The following COL23A1 variants were observed in gnomAD, a reference collection of about 807,000 sequenced individuals.
COL23A1 encodes the protein collagen alpha-1(XXIII) chain.
COL23A1 carries 97 observed loss-of-function variants against 99.3 expected under a neutral mutation model. The ratio of observed to expected loss-of-function variants is 0.98; its 90% confidence interval spans 0.83 to 1.16. COL23A1 has a LOEUF of 1.16. Among genes scored for constraint, COL23A1 ranks in the 50% most tolerant of loss-of-function variants. COL23A1 has a pLI of 0.00. For synonymous variants in COL23A1, 320 were observed against 308.2 expected (o/e 1.04, Z -0.40); for missense variants, 762 against 757.4 (o/e 1.01, Z -0.07).
chr5:178,295,540 T>C (rs972974256), intron 3 of COL23A1, among the ~76,000 whole-genome samples: 20 of 152,204 alleles, frequency 1.3e-4, no homozygotes, highest in African/African-American at 4.6e-4. Flanking sequence ...AGAGGATAAA[T>C]TGGAACCTTC....
At chr5:178,461,771 G>A (rs1009108698) in intron 2 of COL23A1, among the ~76,000 whole-genome samples, 5 of 152,176 alleles carry the variant, frequency 3.3e-5, no homozygotes, top group Admixed American at 1.3e-4. Flanking sequence ...CATGTTCTCC[G>A]TACATATTGA....
chr5:178,345,692 ATT>A (rs760731290), intron 2 of COL23A1, among the ~76,000 whole-genome samples: 2 of 133,640 alleles, frequency 1.5e-5, no homozygotes, highest in African/African-American at 2.8e-5. Context: ...AATTTTTTGT[ATT>A]TTTTTTTTTT....
At chr5:178,362,985 C>T (rs1342592668) in intron 2 of COL23A1, among the ~76,000 whole-genome samples, 2 of 114,634 alleles carry the variant, frequency 1.7e-5, no homozygotes, top group African/African-American at 3.3e-5. Flanking sequence ...AGCAACCCAC[C>T]CCCACAGCAA....
intron 2 of COL23A1, among the ~76,000 whole-genome samples, chr5:178,325,901 G>T (rs1458152670): frequency 6.6e-6 from 1 of 152,206 alleles, no homozygotes; most frequent in Non-Finnish European, 1.5e-5. Context: ...GCTTGTGCCT[G>T]CCCAGTCTGT....
chr5:178,298,785 T>C (rs2127594823), intron 3 of COL23A1, among the ~76,000 whole-genome samples: 1 of 152,344 alleles, frequency 6.6e-6, no homozygotes, highest in East Asian at 1.9e-4. Flanking sequence ...AGTCTCGAAC[T>C]CCTGACCTCA....
intron 2 of COL23A1, among the ~76,000 whole-genome samples, chr5:178,518,924 TCGGGCGGCGGCGGCTGCGGTC>T (rs1759778996): frequency 6.5e-5 from 6 of 92,824 alleles, no homozygotes; most frequent in Non-Finnish European, 1.2e-4. Flanking sequence ...CTCCCGGCGG[TCGGGCGGCGGCGGCTGCGGTC>T]GGTCGCGGCA....
intron 3 of COL23A1, among the ~76,000 whole-genome samples, chr5:178,297,284 G>A (rs1757796799): frequency 6.6e-6 from 1 of 152,262 alleles, no homozygotes; most frequent in South Asian, 2.1e-4. Flanking sequence ...ACTTTGGGAG[G>A]CCGAGGCGGG....
intron 1 of COL23A1, among the ~76,000 whole-genome samples, chr5:178,577,481 A>AG (rs1581671442): frequency 1.3e-5 from 2 of 152,172 alleles, no homozygotes; most frequent in African/African-American, 4.8e-5. Context: ...GTGGTGCTGT[A>AG]GGGGGAAGCT....
chr5:178,557,565 C>T (rs1477673810), intron 2 of COL23A1, among the ~76,000 whole-genome samples: 2 of 152,196 alleles, frequency 1.3e-5, no homozygotes, highest in Non-Finnish European at 2.9e-5. Context: ...AGCCGCCCCT[C>T]CTCTGGCCTT....
intron 5 of COL23A1, among the ~76,000 whole-genome samples, chr5:178,272,472 TG>T (rs1561813059): frequency 2.0e-5 from 3 of 152,056 alleles, no homozygotes; most frequent in Admixed American, 6.5e-5. Flanking sequence ...GCTGAGGGTT[TG>T]GCCATCAGAG....
intron 2 of COL23A1, among the ~76,000 whole-genome samples, chr5:178,337,331 A>T (rs1373808779): frequency 6.6e-6 from 1 of 152,236 alleles, no homozygotes; most frequent in East Asian, 1.9e-4. Flanking sequence ...TTCCCGTGGG[A>T]GTTGGAGCGT....
chr5:178,559,631 C>T (rs1176863266), intron 2 of COL23A1, among the ~76,000 whole-genome samples: 1 of 132,436 alleles, frequency 7.6e-6, no homozygotes, highest in Middle Eastern at 4.1e-3. Flanking sequence ...ACCCAAAAGT[C>T]ACCTTTCCCT....
At position 178,533,566 on chromosome 5, in the gene COL23A1, C is replaced by T. The variant is rs142685202; in HGVS notation, c.361+27116G>A. ...AGGCTGGAGTGCAGTGGCGTGATCT[C>T]GGCTCACTGCAACCTTCACCTCCCA... On this transcript the variant is annotated intron_variant, in intron 2 of 28. Transcript: ENST00000390654. Among the ~76,000 whole-genome samples, 38 of 152,222 alleles carry T rather than the reference C, an allele frequency of 2.5e-4. 1 individual carries two copies. The East Asian group carries it at 6.8e-3, about 27-fold the overall frequency.
intron 1 of COL23A1, among the ~76,000 whole-genome samples, chr5:178,561,544 C>T (rs1762560714): frequency 6.6e-6 from 1 of 152,100 alleles, no homozygotes; most frequent in African/African-American, 2.4e-5. Flanking sequence ...AGATGAGGAA[C>T]GCAAGCTTGG....
At chr5:178,557,191 C>T (rs1762321995) in intron 2 of COL23A1, among the ~76,000 whole-genome samples, 1 of 152,176 alleles carries the variant, frequency 6.6e-6, no homozygotes, top group Non-Finnish European at 1.5e-5. Context: ...TCCGCTGTCA[C>T]CTAGCCCTCT....
chr5:178,499,178 C>T (rs1758391082), intron 2 of COL23A1, among the ~76,000 whole-genome samples: 1 of 152,056 alleles, frequency 6.6e-6, no homozygotes, highest in Admixed American at 6.6e-5. Context: ...ACAGAAAAAA[C>T]ACCCACACAT....
Position 178,281,437 on chromosome 5 carries a change from C to G in COL23A1, c.441+6887G>C, listed in dbSNP as rs1226914472. 3.3e-5 allele frequency among the ~76,000 whole-genome samples: 5 copies of G among 152,272 alleles called. No homozygotes were observed. In the East Asian group the frequency reaches 9.7e-4, roughly 30 times the overall value. On this transcript the variant is annotated intron_variant, in intron 5 of 28. Coordinates refer to ENST00000390654, the MANE Select transcript of COL23A1 (RefSeq NM_173465.4). The surrounding 1 kb of genome is among the most constrained non-coding windows in gnomAD (Gnocchi z 4.0). Reference sequence around the variant, plus strand: ...CATTTCAGCCCAGAGCTCTCGCAGTCCCCTGGGGCCCCGGCTGTCGCTGCT... The same window carrying G: ...CATTTCAGCCCAGAGCTCTCGCAGTGCCCTGGGGCCCCGGCTGTCGCTGCT...
intron 5 of COL23A1, among the ~76,000 whole-genome samples, chr5:178,284,800 AT>A (rs1219065649): frequency 1.3e-5 from 2 of 152,330 alleles, no homozygotes; most frequent in East Asian, 3.9e-4. Context: ...ATGTAATTGT[AT>A]TTTAGATTAT....
At chr5:178,530,394 G>A (rs1760577967) in intron 2 of COL23A1, among the ~76,000 whole-genome samples, 1 of 152,148 alleles carries the variant, frequency 6.6e-6, no homozygotes, top group East Asian at 1.9e-4. Flanking sequence ...CCTGGAAAGT[G>A]GAGACTGCAG....
Sources: gnomAD v4.1 joint callset for allele counts (sites outside exome capture counted in the v4.1 genomes callset) on GRCh38, gnomAD v4.1.1 for gene constraint, Gnocchi (gnomAD v3.1) non-coding constraint, MANE v1.5 for transcripts, NCBI Gene and HGNC (gene_info 2026-07-23, HGNC 2026-07-21) for gene names.